The following CREBRF variants were observed in gnomAD, a reference collection of about 807,000 sequenced individuals.
The protein encoded by CREBRF is UPF0474 protein C5orf41.
In CREBRF, 5 loss-of-function variants were observed where a neutral mutation model predicts 66.1. The observed-to-expected ratio is 0.08, with a 90% CI of 0.04 to 0.16. The LOEUF (loss-of-function observed/expected upper bound fraction) is 0.16. CREBRF is among the 10% of genes least tolerant of loss of function. The probability of loss-of-function intolerance (pLI) is 1.00; values close to 1 mark genes in which losing one functional copy is unlikely to be tolerated. For missense variants in CREBRF, 531 were observed against 744.9 expected (o/e 0.71, Z 3.34); for synonymous variants, 229 against 264.4 (o/e 0.87, Z 1.30).
At chr5:173,057,523 G>C (rs979508967) in intron 1 of CREBRF, 1 of 152,284 alleles carries the variant, frequency 6.6e-6, no homozygotes, top group African/African-American at 2.4e-5. Context: ...GTGGTTCCTG[G>C]GACTAGATGG....
At position 173,112,348 on chromosome 5, in the gene CREBRF, A is replaced by G. The variant is rs746121506; in HGVS notation, c.1650A>G (p.Lys550=). 1 of 1,604,670 alleles carries G rather than the reference A, an allele frequency of 6.2e-7. No individual in the cohort carries two copies. Among genetic ancestry groups the G allele is most frequent in the East Asian group, 2.3e-5 (1 of 44,274 alleles). The change falls in exon 7 of 9, where the codon AAA becomes AAG. Residue 550 remains lysine (K), a synonymous_variant. Coordinates refer to ENST00000296953, the MANE Select transcript of CREBRF (RefSeq NM_153607.3). The stretch of plus-strand genomic sequence containing the variant: ...AGAAAGCCCAGTATGAAGCTAATAA[A>G]GTGAAATTATGGGGCCTCAACACAG... The part of the protein sequence containing the change: ...LKKKAQYEAN[K]VKLWGLNTEY...
At chr5:173,112,259 T>A in intron 6 of CREBRF, 47 bp from the exon 7 acceptor site, 1 of 1,358,616 alleles carries the variant, frequency 7.4e-7, no homozygotes, top group Non-Finnish European at 1.0e-6. Context: ...ATAATAAAAT[T>A]AAAATTAAGA....
At position 173,133,983 on chromosome 5, in the gene CREBRF, TAAGTAA is replaced by T. The variant is rs1247461851; in HGVS notation, c.*240_*245del. 1 of 292,870 alleles carries T rather than the reference TAAGTAA, an allele frequency of 3.4e-6. No individual in the cohort carries two copies. The highest frequency in any genetic ancestry group is 5.2e-5 in the Admixed American group (1 of 19,316). The allele number at this position is 292,870 out of a possible 1,614,324, so 18.1% of individuals were successfully genotyped here. ...GCATCAGAATTGAAAATCATATGTT[TAAGTAA>T]ATGTTAGGTACAGATTACAAAAATC... On this transcript the variant is annotated 3_prime_UTR_variant, in exon 9 of 9. Transcript: ENST00000296953.
chr5:173,129,660 G>C (rs1190964535), intron 8 of CREBRF, among the ~76,000 whole-genome samples: 2 of 150,396 alleles, frequency 1.3e-5, no homozygotes, highest in Admixed American at 6.6e-5. Flanking sequence ...AGGAGATGGA[G>C]GCTGCAGTGA....
chr5:173,086,090 T>A (rs756191728), intron 2 of CREBRF: 1 of 826,356 alleles, frequency 1.2e-6, no homozygotes, highest in Non-Finnish European at 2.2e-6. Flanking sequence ...TAACTGTGAC[T>A]GCATAGTTGT....
intron 2 of CREBRF, among the ~76,000 whole-genome samples, chr5:173,082,082 T>C (rs988634427): frequency 2.1e-5 from 3 of 142,580 alleles, no homozygotes; most frequent in East Asian, 2.1e-4. Context: ...GGTGCAATCT[T>C]GGCTCACTGC....
intron 7 of CREBRF, among the ~76,000 whole-genome samples, chr5:173,117,531 T>TCCCCC (rs1561814551): frequency 2.8e-5 from 1 of 35,476 alleles, no homozygotes; most frequent in Non-Finnish European, 5.2e-5. Context: ...TCCCCTCCCC[T>TCCCCC]CTCCTCTTCC....
intron 4 of CREBRF, among the ~76,000 whole-genome samples, chr5:173,102,392 A>T (rs1335782543): frequency 6.6e-6 from 1 of 152,002 alleles, no homozygotes; most frequent in East Asian, 1.9e-4. Flanking sequence ...TTGTCAGGTC[A>T]TCTAGAGGTT....
intron 7 of CREBRF, among the ~76,000 whole-genome samples, chr5:173,118,055 T>C (rs1337801451): frequency 1.3e-5 from 2 of 152,098 alleles, no homozygotes; most frequent in Non-Finnish European, 2.9e-5. Context: ...TTTGTATTTT[T>C]AGTAGAGACA....
intron 4 of CREBRF, among the ~76,000 whole-genome samples, chr5:173,095,667 T>C (rs1179936246): frequency 2.0e-5 from 3 of 152,192 alleles, no homozygotes; most frequent in Non-Finnish European, 4.4e-5. Context: ...TTTTGGGTGA[T>C]ATGGATATTT....
At chr5:173,133,501 C>T (rs567891111) in intron 8 of CREBRF, 129 bp from the exon 9 acceptor site, 52 of 507,232 alleles carry the variant, frequency 1.0e-4, no homozygotes, top group Non-Finnish European at 1.5e-4. Flanking sequence ...TAACAAGTGC[C>T]AGGGAATTCA....
intron 4 of CREBRF, 136 bp downstream of exon 4, chr5:173,091,537 A>G (rs962955677): frequency 3.4e-5 from 50 of 1,460,028 alleles, no homozygotes; most frequent in Non-Finnish European, 4.4e-5. Context: ...CTTGGATTGG[A>G]TATGTAATTG....
intron 1 of CREBRF, among the ~76,000 whole-genome samples, chr5:173,066,808 C>CTTTTT (rs34093582): frequency 3.5e-4 from 22 of 63,066 alleles, no homozygotes; most frequent in Admixed American, 6.9e-4. Flanking sequence ...TTCATTGAAT[C>CTTTTT]TTTTTTTTTT....
At chr5:173,079,331 T>C (rs1757862379) in intron 1 of CREBRF, among the ~76,000 whole-genome samples, 1 of 151,908 alleles carries the variant, frequency 6.6e-6, no homozygotes, top group Non-Finnish European at 1.5e-5. Flanking sequence ...GGTGTGGTGT[T>C]GCTTGCCTGT....
chr5:173,086,060 G>A, intron 2 of CREBRF: 1 of 924,020 alleles, frequency 1.1e-6, no homozygotes, highest in Non-Finnish European at 1.8e-6. Flanking sequence ...ATCCAAGAGT[G>A]TATGGTTCTC....
chr5:173,108,726 C>G lies in CREBRF; in HGVS notation c.1325C>G (p.Thr442Arg). Reference protein sequence around the residue: ...RYFWEYSEQLTPSQQERMLRP... With the variant: ...RYFWEYSEQLRPSQQERMLRP... ...TTCTGGGAGTATAGTGAACAACTTA[C>G]ACCATCACAGCAAGAGAGGATGCTG... is the stretch of plus-strand genomic sequence containing the variant. Residue 442 changes from threonine (T) to arginine (R), a missense_variant, in exon 5 of 9, where the codon ACA becomes AGA. This residue lies in a region of CREBRF where 309 missense variants were observed against 341.4 expected (regional missense o/e 0.90). Transcript: ENST00000296953. 6.2e-7 allele frequency: 1 copy of G among 1,614,004 alleles called. No homozygotes were observed.
At chr5:173,082,004 T>G (rs1047505142) in intron 2 of CREBRF, among the ~76,000 whole-genome samples, 662 of 32,450 alleles carry the variant, frequency 0.02, 9 homozygotes, top group Non-Finnish European at 0.045. Flanking sequence ...CAAGGTTTAG[T>G]TTTTTTTTTT....
intron 2 of CREBRF, among the ~76,000 whole-genome samples, chr5:173,082,896 G>A (rs1329868031): frequency 2.7e-4 from 27 of 99,214 alleles, no homozygotes; most frequent in African/African-American, 8.6e-4. Context: ...GCGACGGAGC[G>A]AGACTCTGTC....
At chr5:173,080,481 A>G (rs1436662016) in intron 1 of CREBRF, 104 bp from the exon 2 acceptor site, 2 of 443,298 alleles carry the variant, frequency 4.5e-6, no homozygotes. Flanking sequence ...CATTTAAAGT[A>G]CAGTATTCTC....
Sources: gnomAD v4.1 joint callset for allele counts (sites outside exome capture counted in the v4.1 genomes callset) on GRCh38, gnomAD v4.1.1 for gene constraint, gnomAD v4.1.1 regional missense constraint, MANE v1.5 for transcripts, NCBI Gene and HGNC (gene_info 2026-07-23, HGNC 2026-07-21) for gene names.